The following ATP10A variants were observed in gnomAD, a reference collection of about 807,000 sequenced individuals.
The protein encoded by ATP10A is ATPase phospholipid transporting 10A (putative).
ATP10A carries 111 observed loss-of-function variants against 147.8 expected under a neutral mutation model. The observed-to-expected ratio is 0.75, with a 90% confidence interval of 0.64 to 0.88. The LOEUF is 0.88. Among genes scored for constraint, ATP10A ranks in the 40% least tolerant of loss-of-function variants. ATP10A has a pLI of 0.00. For missense variants in ATP10A, 1,927 were observed against 1,959.0 expected (o/e 0.98, Z 0.31); for synonymous variants, 875 against 841.6 (o/e 1.04, Z -0.69).
chr15:25,748,087 C>T (rs976167506), intron 2 of ATP10A, among the ~76,000 whole-genome samples: 3 of 151,972 alleles, frequency 2.0e-5, no homozygotes, highest in Non-Finnish European at 2.9e-5. Context: ...CTCAGCCTCC[C>T]GAGTAGCTGG....
At chr15:25,842,226 C>CA (rs1276282229) in intron 1 of ATP10A, among the ~76,000 whole-genome samples, 6 of 152,316 alleles carry the variant, frequency 3.9e-5, no homozygotes, top group African/African-American at 1.4e-4. Flanking sequence ...TTTGGCCTGA[C>CA]AGAGCCTTTT....
intron 1 of ATP10A, chr15:25,862,122 T>G (rs1893788031): frequency 2.8e-6 from 1 of 360,590 alleles, no homozygotes; most frequent in Non-Finnish European, 5.6e-6. Context: ...CTGCTGTTAT[T>G]TCCCCTGCCC....
At position 25,679,875 on chromosome 15, in the gene ATP10A, T is replaced by C; in HGVS notation, c.3966A>G (p.Lys1322=). 1 of 1,610,368 alleles carries C rather than the reference T, an allele frequency of 6.2e-7. No homozygotes were observed. The highest frequency in any genetic ancestry group is 2.2e-5 in the East Asian group (1 of 44,868). ...RKSPRRCSAP[K]ETFAQGRLPK... ...GGAGGCGTCCCTGAGCAAAGGTCTC[T>C]TTGGGAGCACTGCATCTCCTGGGGG... The change falls in exon 21 of 21, where the codon AAA becomes AAG. Residue 1322 remains lysine, a synonymous_variant. Coordinates refer to ENST00000555815, the MANE Select transcript of ATP10A (RefSeq NM_024490.4).
chr15:25,761,427 C>A lies in ATP10A; in HGVS notation c.654+19592G>T, dbSNP rs1370099529. 2.0e-5 allele frequency among the ~76,000 whole-genome samples: 3 copies of A among 152,352 alleles called. No homozygotes were observed. In the East Asian group the frequency reaches 5.8e-4, roughly 29 times the overall value. ...AGTGGAGCTGTGAGAAGAGGGCCAC[C>A]GTCCTCCAGACCCCAGAATGGTCGA... On this transcript the variant is annotated intron_variant, in intron 2 of 20. Coordinates refer to ENST00000555815, the MANE Select transcript of ATP10A (RefSeq NM_024490.4).
intron 2 of ATP10A, among the ~76,000 whole-genome samples, chr15:25,766,932 GC>G (rs1889055418): frequency 6.6e-6 from 1 of 151,470 alleles, no homozygotes; most frequent in Non-Finnish European, 1.5e-5. Flanking sequence ...ACTTTAATGG[GC>G]CCCATATAAC....
intron 10 of ATP10A, chr15:25,710,690 C>T (rs192794358): frequency 9.8e-5 from 15 of 152,296 alleles, no homozygotes; most frequent in Non-Finnish European, 1.9e-4. Context: ...CTTGTACATG[C>T]ATGTACTCAT....
At chr15:25,750,492 T>A (rs9920975) in intron 2 of ATP10A, among the ~76,000 whole-genome samples, 119,225 of 150,328 alleles carry the variant, frequency 0.79, 47,708 homozygotes, top group Admixed American at 0.87. Context: ...AATTGGAAAT[T>A]TGGATCTACA....
chr15:25,687,233 C>T lies in ATP10A; in HGVS notation c.3291+470G>A, dbSNP rs200836585. Among the ~76,000 whole-genome samples the T allele has an allele frequency of 6.1e-4, 28 of 46,264 alleles. 9 individuals carry two copies. The South Asian group carries it at 0.021, about 34-fold the overall frequency. The allele number at this position is 46,264 out of a possible 152,430, so 30.4% of individuals were successfully genotyped here. On this transcript the variant is annotated intron_variant, in intron 16 of 20. Transcript: ENST00000555815. ...CACTTGTGCTTATCATTGGATTTTC[C>T]GTCTACTCTAGAGAAAATGCTGATT...
At chr15:25,701,412 T>C (rs1900655184) in intron 13 of ATP10A, among the ~76,000 whole-genome samples, 1 of 152,116 alleles carries the variant, frequency 6.6e-6, no homozygotes, top group Non-Finnish European at 1.5e-5. Context: ...AGTTCCCTGC[T>C]CCATTCAAGA....
intron 1 of ATP10A, among the ~76,000 whole-genome samples, chr15:25,806,329 T>TTTCTTTTTTTG (rs1363820662): frequency 6.6e-6 from 1 of 152,018 alleles, no homozygotes; most frequent in Non-Finnish European, 1.5e-5. Context: ...TTTCTTTTCT[T>TTTCTTTTTTTG]TGAGATGGAG....
chr15:25,774,876 CTG>C (rs1350133907), intron 2 of ATP10A, among the ~76,000 whole-genome samples: 1 of 152,124 alleles, frequency 6.6e-6, no homozygotes, highest in Non-Finnish European at 1.5e-5. Context: ...TCATTTATTT[CTG>C]TCTTTCCTGT....
At chr15:25,748,885 T>C (rs899225230) in intron 2 of ATP10A, among the ~76,000 whole-genome samples, 1 of 149,656 alleles carries the variant, frequency 6.7e-6, no homozygotes, top group African/African-American at 2.5e-5. Flanking sequence ...TGACACCCCA[T>C]AGCTACTAAA....
intron 2 of ATP10A, among the ~76,000 whole-genome samples, chr15:25,756,313 C>G (rs777364363): frequency 2.6e-5 from 4 of 152,120 alleles, no homozygotes; most frequent in Non-Finnish European, 5.9e-5. Context: ...ATTTCTCTGC[C>G]AAAATATATG....
chr15:25,760,156 T>C (rs565923427), intron 2 of ATP10A, among the ~76,000 whole-genome samples: 14 of 152,126 alleles, frequency 9.2e-5, no homozygotes, highest in Non-Finnish European at 2.1e-4. Flanking sequence ...TTGACCGAAA[T>C]TAACTTTAGG....
chr15:25,772,892 G>C (rs2140671905), intron 2 of ATP10A, among the ~76,000 whole-genome samples: 1 of 152,264 alleles, frequency 6.6e-6, no homozygotes, highest in Non-Finnish European at 1.5e-5. Flanking sequence ...TGTGAAAACT[G>C]ACAAATTGAA....
At chr15:25,758,557 CCTAA>C (rs776024567) in intron 2 of ATP10A, among the ~76,000 whole-genome samples, 2 of 53,616 alleles carry the variant, frequency 3.7e-5, no homozygotes, top group Admixed American at 2.0e-4. Context: ...CCTGCTCCAC[CCTAA>C]CTCATTCCGA....
At chr15:25,777,117 G>A (rs943852479) in intron 2 of ATP10A, among the ~76,000 whole-genome samples, 1 of 151,632 alleles carries the variant, frequency 6.6e-6, no homozygotes, top group African/African-American at 2.4e-5. Flanking sequence ...GTGTGTGTGT[G>A]TACCCGTTCC....
At chr15:25,764,822 C>A in intron 2 of ATP10A, among the ~76,000 whole-genome samples, 1 of 152,176 alleles carries the variant, frequency 6.6e-6, no homozygotes, top group East Asian at 1.9e-4. Context: ...GACGCTCTAC[C>A]TTCGGGTTTA....
chr15:25,750,405 G>GA (rs1224956696), intron 2 of ATP10A, among the ~76,000 whole-genome samples: 1 of 151,548 alleles, frequency 6.6e-6, no homozygotes, highest in African/African-American at 2.4e-5. Flanking sequence ...TACAAAAGCT[G>GA]AAAAAAAATT....
Sources: gnomAD v4.1 joint callset for allele counts (sites outside exome capture counted in the v4.1 genomes callset) on GRCh38, gnomAD v4.1.1 for gene constraint, MANE v1.5 for transcripts, NCBI Gene and HGNC (gene_info 2026-07-23, HGNC 2026-07-21) for gene names.